The following SLC39A8 variants were observed in gnomAD, a reference collection of about 807,000 sequenced individuals.
SLC39A8 encodes solute carrier family 39 member 8.
SLC39A8 carries 15 observed loss-of-function variants against 40.4 expected under a neutral mutation model. The ratio of observed to expected loss-of-function variants is 0.37; its 90% CI spans 0.25 to 0.57. The LOEUF is 0.57. Ranked by LOEUF, SLC39A8 falls within the 20% of genes least tolerant of loss-of-function variation. The probability of loss-of-function intolerance (pLI) is 0.75; values close to 1 mark genes in which losing one functional copy is unlikely to be tolerated. For synonymous variants in SLC39A8, 223 were observed against 221.6 expected, an observed-to-expected ratio of 1.01 and a Z score of -0.06; for missense variants, 472 against 558.8, an observed-to-expected ratio of 0.84 and a Z score of 1.57.
intron 2 of SLC39A8, among the ~76,000 whole-genome samples, chr4:102,339,063 G>A (rs1031421118): frequency 9.9e-5 from 15 of 152,138 alleles, no homozygotes; most frequent in African/African-American, 3.1e-4. Flanking sequence ...GGCAAACTAA[G>A]CTCTTGACAT....
At chr4:102,253,153 G>GT (rs1412409197) in exon 12 of SLC39A8, 10 of 236,838 alleles carry the variant, frequency 4.2e-5, no homozygotes, top group Middle Eastern at 6.5e-4. Flanking sequence ...CAAACATGTC[G>GT]TTTTTCGGGG....
intron 3 of SLC39A8, among the ~76,000 whole-genome samples, chr4:102,308,206 A>G (rs1259732975): frequency 1.3e-5 from 2 of 152,044 alleles, no homozygotes; most frequent in Non-Finnish European, 2.9e-5. Context: ...CCTGGGAATC[A>G]AAGTCAGTCT....
At chr4:102,286,097 T>C (rs1317590190) in intron 6 of SLC39A8, among the ~76,000 whole-genome samples, 1 of 152,018 alleles carries the variant, frequency 6.6e-6, no homozygotes, top group Non-Finnish European at 1.5e-5. Context: ...ATGGACATCC[T>C]TTATAAGGCA....
intron 8 of SLC39A8, among the ~76,000 whole-genome samples, chr4:102,266,527 A>G (rs879577934): frequency 1.3e-5 from 2 of 152,204 alleles, no homozygotes; most frequent in African/African-American, 2.4e-5. Flanking sequence ...ATTTTCATAC[A>G]CTACCATATT....
chr4:102,260,129 A>G (rs1355685371), downstream of SLC39A8, among the ~76,000 whole-genome samples: 1 of 152,206 alleles, frequency 6.6e-6, no homozygotes, highest in African/African-American at 2.4e-5. Flanking sequence ...TAAAGTGACA[A>G]GGGATTGATC....
intron 2 of SLC39A8, among the ~76,000 whole-genome samples, chr4:102,339,326 A>G (rs1170558329): frequency 7.0e-6 from 1 of 143,818 alleles, no homozygotes; most frequent in Non-Finnish European, 1.6e-5. Context: ...ATAAAGGGGA[A>G]AAAAAAAAAA....
intron 6 of SLC39A8, among the ~76,000 whole-genome samples, chr4:102,303,292 TC>T (rs752660839): frequency 1.3e-5 from 2 of 151,956 alleles, no homozygotes; most frequent in Non-Finnish European, 2.9e-5. Flanking sequence ...CTTTTCAGCA[TC>T]CCTTTTTGAT....
intron 6 of SLC39A8, among the ~76,000 whole-genome samples, chr4:102,283,319 T>G (rs1480482991): frequency 6.6e-6 from 1 of 152,238 alleles, no homozygotes; most frequent in Non-Finnish European, 1.5e-5. Context: ...ATTTGACTCC[T>G]AAGCCTATGC....
At chr4:102,310,489 A>C (rs2149037380) in intron 3 of SLC39A8, among the ~76,000 whole-genome samples, 1 of 152,252 alleles carries the variant, frequency 6.6e-6, no homozygotes, top group South Asian at 2.1e-4. Context: ...TAAATTCCCC[A>C]TTTCAAGGTG....
At chr4:102,286,181 G>A (rs1056044821) in intron 6 of SLC39A8, among the ~76,000 whole-genome samples, 1 of 152,076 alleles carries the variant, frequency 6.6e-6, no homozygotes, top group Non-Finnish European at 1.5e-5. Context: ...GCTTCCCCTG[G>A]TTTGCCACTG....
At position 102,344,511 on chromosome 4, in the gene SLC39A8, A is replaced by C. The variant is rs574759505; in HGVS notation, c.152T>G (p.Leu51Trp). ...LSLSAAQLQH[L>W]LEQMGAASRV... ...GGAGGCGGCTCCCATCTGCTCCAGC[A>C]AGTGCTGGAGCTGCGCCGCCGACAG... The change falls in exon 2 of 9, where the codon TTG becomes TGG. Residue 51 changes from leucine (L) to tryptophan (W), a missense_variant. Physicochemically the swap from Leu to Trp is moderately conservative, Grantham distance 61. This residue lies in a region of SLC39A8 where 175 missense variants were observed against 160.5 expected (regional missense o/e 1.09). Coordinates refer to ENST00000356736, the MANE Select transcript of SLC39A8 (RefSeq NM_001135146.2). 6.4e-7 allele frequency: 1 copy of C among 1,558,840 alleles called. No individual in the cohort carries two copies. Among genetic ancestry groups the C allele is most frequent in the African/African-American group, 1.4e-5 (1 of 73,134 alleles).
intron 3 of SLC39A8, among the ~76,000 whole-genome samples, chr4:102,311,414 T>C (rs1242275537): frequency 6.6e-6 from 1 of 152,108 alleles, no homozygotes; most frequent in Admixed American, 6.6e-5. Flanking sequence ...AAGAACAAAC[T>C]AAGAATCAGG....
rs1387544927 is a variant in SLC39A8 at position 102,344,644 on chromosome 4, C to A, written c.19G>T (p.Val7Leu). The A allele has an allele frequency of 2.0e-6, 3 of 1,536,358 alleles. No homozygotes were observed. The highest frequency in any genetic ancestry group is 2.6e-6 in the Non-Finnish European group (3 of 1,142,470). Residue 7 changes from valine to leucine, a missense_variant, in exon 2 of 9, where the codon GTG (valine) becomes TTG (leucine). Physicochemically the swap from Val to Leu is conservative, Grantham distance 32. Transcript: ENST00000356736. ...GCCGCCAGCAACAGGAGCCCGGCCACCGCGCGACCCGGGGCCATCCTGGCC... is the reference window on the plus strand; with the variant it reads ...GCCGCCAGCAACAGGAGCCCGGCCAACGCGCGACCCGGGGCCATCCTGGCC... MAPGRA[V>L]AGLLLLAAAG...
At chr4:102,305,581 T>G (rs1330062480) in intron 4 of SLC39A8, among the ~76,000 whole-genome samples, 1 of 151,984 alleles carries the variant, frequency 6.6e-6, no homozygotes, top group East Asian at 1.9e-4. Context: ...GATTACTGTT[T>G]TCCCAAGAGA....
At chr4:102,319,674 T>C (rs1245549014) in intron 2 of SLC39A8, among the ~76,000 whole-genome samples, 2 of 152,224 alleles carry the variant, frequency 1.3e-5, no homozygotes, top group South Asian at 2.1e-4. Flanking sequence ...TACTTGTCCA[T>C]GTTGTATTTG....
At chr4:102,272,469 G>A (rs1033871981) in intron 6 of SLC39A8, among the ~76,000 whole-genome samples, 37 of 151,766 alleles carry the variant, frequency 2.4e-4, no homozygotes, top group African/African-American at 9.0e-4. Context: ...AAATTACCCA[G>A]GTATGGTGTC....
chr4:102,270,515 A>ATC (rs1404417657), intron 6 of SLC39A8, among the ~76,000 whole-genome samples: 3 of 152,150 alleles, frequency 2.0e-5, no homozygotes, highest in Non-Finnish European at 4.4e-5. Flanking sequence ...GAATATGCCT[A>ATC]TCTCTCTCTT....
intron 2 of SLC39A8, among the ~76,000 whole-genome samples, chr4:102,323,385 T>C (rs1376378007): frequency 3.3e-5 from 5 of 152,208 alleles, no homozygotes; most frequent in African/African-American, 1.2e-4. Context: ...CAACATATCA[T>C]GTGATTAAAG....
intron 8 of SLC39A8, among the ~76,000 whole-genome samples, chr4:102,264,231 A>T (rs1271246668): frequency 6.6e-6 from 1 of 152,216 alleles, no homozygotes; most frequent in Non-Finnish European, 1.5e-5. Flanking sequence ...TACTCCATGG[A>T]CTGATCCATG....
Sources: gnomAD v4.1 joint callset for allele counts (sites outside exome capture counted in the v4.1 genomes callset) on GRCh38, gnomAD v4.1.1 for gene constraint, gnomAD v4.1.1 regional missense constraint, MANE v1.5 for transcripts, NCBI Gene and HGNC (gene_info 2026-07-23, HGNC 2026-07-21) for gene names.